Variants in TLN2 observed in about 807,000 individuals in gnomAD.
TLN2 encodes talin 2.
In TLN2, 118 loss-of-function variants were observed where a neutral mutation model predicts 294.7. That is an observed-to-expected ratio of 0.40 (90% CI 0.34 to 0.47). The LOEUF (loss-of-function observed/expected upper bound fraction) is 0.47. Among genes scored for constraint, TLN2 ranks in the 20% least tolerant of loss-of-function variants. The probability of loss-of-function intolerance (pLI) is 0.84; values close to 1 mark genes in which losing one functional copy is unlikely to be tolerated. For missense variants in TLN2, 3,083 were observed against 3,282.2 expected (o/e 0.94, Z 1.48); for synonymous variants, 1,431 against 1,304.5 (o/e 1.10, Z -2.09).
chr15:62,413,393 C>A (rs1215041797), intron 1 of TLN2, among the ~76,000 whole-genome samples: 1 of 152,170 alleles, frequency 6.6e-6, no homozygotes, highest in South Asian at 2.1e-4. Flanking sequence ...GCCCCCACCC[C>A]CAAGCTAACA....
chr15:62,496,191 A>G (rs977418719), intron 1 of TLN2, among the ~76,000 whole-genome samples: 9 of 152,276 alleles, frequency 5.9e-5, no homozygotes, highest in Admixed American at 5.9e-4. Context: ...TTTCTGACTC[A>G]CTGTTCCCAT....
At chr15:62,739,309 G>A in intron 30 of TLN2, 39 bp from the exon 31 acceptor site, 2 of 1,584,848 alleles carry the variant, frequency 1.3e-6, no homozygotes, top group Middle Eastern at 2.1e-4. Flanking sequence ...CCCCTGCAAA[G>A]CAGAATGTCT....
chr15:62,527,725 T>G (rs2040817565), intron 1 of TLN2, among the ~76,000 whole-genome samples: 1 of 152,240 alleles, frequency 6.6e-6, no homozygotes, highest in Admixed American at 6.5e-5. Context: ...ATTCCAGGGC[T>G]GGGCTTTTAG....
intron 54 of TLN2, chr15:62,833,278 CTG>C (rs2141249286): frequency 1.9e-6 from 1 of 538,752 alleles, no homozygotes; most frequent in South Asian, 2.6e-5. Flanking sequence ...ATCTTCCACA[CTG>C]TGACCCGAGG....
At chr15:62,439,887 G>A (rs1211156700) in intron 1 of TLN2, among the ~76,000 whole-genome samples, 7 of 152,130 alleles carry the variant, frequency 4.6e-5, no homozygotes, top group Admixed American at 4.6e-4. Flanking sequence ...TGGTGTTTCT[G>A]TATTTCAGCT....
intron 2 of TLN2, among the ~76,000 whole-genome samples, chr15:62,614,889 C>T (rs896262515): frequency 6.6e-6 from 1 of 152,022 alleles, no homozygotes; most frequent in Non-Finnish European, 1.5e-5. Flanking sequence ...CACTGCAACC[C>T]CCGCCTCCCA....
Position 62,678,075 on chromosome 15 carries a change from G to A in TLN2, c.957+2754G>A, listed in dbSNP as rs140752018. Among the ~76,000 whole-genome samples the A allele has an allele frequency of 2.0e-3, 306 of 152,076 alleles. 2 individuals are homozygous for A. Among genetic ancestry groups the A allele is most frequent in the Non-Finnish European group, 3.4e-3 (233 of 67,978 alleles). On this transcript the variant is annotated intron_variant, in intron 11 of 58. Coordinates refer to ENST00000636159, the MANE Select transcript of TLN2 (RefSeq NM_015059.3). ...CTCCCAAAGTGCTGGGATTACAGGC[G>A]TGAGCCACCACCCCTGGCCAAGCAC...
intron 38 of TLN2, 116 bp downstream of exon 38, chr15:62,761,937 T>A (rs2062703973): frequency 1.4e-6 from 2 of 1,384,194 alleles, no homozygotes; most frequent in South Asian, 2.5e-5. Context: ...AGGCTACTGT[T>A]ACTCTTGTCA....
At chr15:62,719,514 T>C (rs1390490581) in intron 24 of TLN2, among the ~76,000 whole-genome samples, 1 of 152,098 alleles carries the variant, frequency 6.6e-6, no homozygotes, top group Non-Finnish European at 1.5e-5. Flanking sequence ...TCATAGACAA[T>C]CATCTTCGAA....
At chr15:62,504,687 G>A (rs1442444897) in intron 1 of TLN2, among the ~76,000 whole-genome samples, 2 of 152,194 alleles carry the variant, frequency 1.3e-5, no homozygotes, top group East Asian at 1.9e-4. Context: ...GAAATGGATC[G>A]TAGACTTTAA....
intron 1 of TLN2, among the ~76,000 whole-genome samples, chr15:62,468,821 C>G (rs62006670): frequency 0.053 from 8,033 of 150,674 alleles, 299 homozygotes; most frequent in Non-Finnish European, 0.078. Context: ...TGTTGATGTT[C>G]ATGACAATTC....
At chr15:62,588,702 A>ATC (rs2045853287) in intron 1 of TLN2, among the ~76,000 whole-genome samples, 1 of 121,734 alleles carries the variant, frequency 8.2e-6, no homozygotes, top group Non-Finnish European at 1.7e-5. Context: ...ATATATATAT[A>ATC]TATATGAAAT....
chr15:62,392,144 C>T (rs1273932565), intron 1 of TLN2, among the ~76,000 whole-genome samples: 1 of 152,230 alleles, frequency 6.6e-6, no homozygotes, highest in African/African-American at 2.4e-5. Context: ...TCTCGCAGCT[C>T]GTAGAGGCGA....
chr15:62,602,332 A>T (rs2047071921), intron 2 of TLN2, among the ~76,000 whole-genome samples: 1 of 152,232 alleles, frequency 6.6e-6, no homozygotes, highest in South Asian at 2.1e-4. Context: ...ACAACAGTAT[A>T]TTCGAAAGAT....
chr15:62,735,301 G>T (rs950662698), intron 28 of TLN2, among the ~76,000 whole-genome samples: 1 of 152,172 alleles, frequency 6.6e-6, no homozygotes, highest in Non-Finnish European at 1.5e-5. Flanking sequence ...GTGTGCCAAG[G>T]ACTGTGTGCC....
At chr15:62,469,667 A>G (rs1358193322) in intron 1 of TLN2, among the ~76,000 whole-genome samples, 1 of 152,124 alleles carries the variant, frequency 6.6e-6, no homozygotes, top group East Asian at 1.9e-4. Context: ...TGGAGTTGGC[A>G]CTCTTGAGAG....
chr15:62,526,879 T>C (rs1345158683), intron 1 of TLN2, among the ~76,000 whole-genome samples: 2 of 152,200 alleles, frequency 1.3e-5, no homozygotes, highest in East Asian at 3.9e-4. Context: ...ACTTGGAAAG[T>C]GAAGTACTAG....
At chr15:62,756,485 C>T (rs187415169) in intron 37 of TLN2, among the ~76,000 whole-genome samples, 11 of 152,244 alleles carry the variant, frequency 7.2e-5, no homozygotes, top group Admixed American at 2.0e-4. Context: ...CCAGCACCAT[C>T]GCGCCAGCTC....
intron 1 of TLN2, among the ~76,000 whole-genome samples, chr15:62,497,160 A>T (rs150984118): frequency 4.1e-3 from 625 of 152,298 alleles, no homozygotes; most frequent in Non-Finnish European, 5.8e-3. Context: ...AAGAGGGCAT[A>T]CTTAATACAT....
Sources: allele counts gnomAD v4.1 joint callset (sites outside exome capture counted in the v4.1 genomes callset), GRCh38; gene constraint gnomAD v4.1.1; transcripts MANE v1.5; gene names NCBI Gene and HGNC (gene_info 2026-07-23, HGNC 2026-07-21).